The following FAAH2 variants were observed in gnomAD, a reference collection of about 807,000 sequenced individuals.
FAAH2 encodes the protein fatty-acid amide hydrolase 2.
A neutral mutation model predicts 36.9 loss-of-function variants in FAAH2; 60 were observed. The ratio of observed to expected loss-of-function variants is 1.63; its 90% CI spans 1.32 to 2.02. The LOEUF (loss-of-function observed/expected upper bound fraction) is 2.02, where lower values mean the gene tolerates loss of function less well. Among genes scored for constraint, FAAH2 ranks in the 30% most tolerant of loss-of-function variants. The pLI is 0.00. For synonymous variants in FAAH2, 214 were observed against 143.8 expected (o/e 1.49, Z -3.49); for missense variants, 689 against 397.5 (o/e 1.73, Z -6.23).
chrX:57,223,187 C>A, the FAAH2 span, among the ~76,000 whole-genome samples: 1 of 111,957 alleles, frequency 8.9e-6, no homozygotes, highest in African/African-American at 3.3e-5. Flanking sequence ...CAGAAAGTTG[C>A]CATCATTTAT....
intron 7 of FAAH2, among the ~76,000 whole-genome samples, chrX:57,402,470 T>TA (rs1203943064): frequency 9.0e-6 from 1 of 111,558 alleles, no homozygotes; most frequent in African/African-American, 3.3e-5. Context: ...ATCTCTATTA[T>TA]AAAAAACTGA....
intron 10 of FAAH2, among the ~76,000 whole-genome samples, chrX:57,482,451 G>T (rs2057396927): frequency 1.8e-5 from 2 of 111,478 alleles, no homozygotes; most frequent in Admixed American, 9.6e-5. Context: ...TAACCTAGCT[G>T]GGTAGCGCAG....
intron 7 of FAAH2, among the ~76,000 whole-genome samples, chrX:57,389,838 C>T (rs1341068983): frequency 9.1e-6 from 1 of 110,246 alleles, no homozygotes; most frequent in Non-Finnish European, 1.9e-5. Flanking sequence ...CCCTTTTCTC[C>T]CTGTCCTCAC....
At chrX:57,346,323 T>G (rs1001632818) in intron 5 of FAAH2, among the ~76,000 whole-genome samples, 2 of 111,864 alleles carry the variant, frequency 1.8e-5, no homozygotes, top group African/African-American at 6.5e-5. Context: ...CATGTATATA[T>G]AAGATAATTC....
At chrX:57,207,106 C>A in the FAAH2 span, among the ~76,000 whole-genome samples, 1 of 110,483 alleles carries the variant, frequency 9.1e-6, no homozygotes, top group Non-Finnish European at 1.9e-5. Context: ...TCCTTCAAAC[C>A]TTGCAAATTT....
intron 9 of FAAH2, among the ~76,000 whole-genome samples, chrX:57,447,802 T>G (rs1369844144): frequency 8.9e-6 from 1 of 111,844 alleles, no homozygotes; most frequent in African/African-American, 3.3e-5. Flanking sequence ...CTTAGGCCTC[T>G]GAACCTGTGA....
intron 7 of FAAH2, among the ~76,000 whole-genome samples, chrX:57,428,724 T>G (rs2056221459): frequency 8.9e-6 from 1 of 111,883 alleles, no homozygotes; most frequent in South Asian, 3.7e-4. Flanking sequence ...TCTCTCACCA[T>G]ATGCAAAAAT....
intron 8 of FAAH2, among the ~76,000 whole-genome samples, chrX:57,433,430 C>CT (rs1332818821): frequency 1.8e-5 from 2 of 111,509 alleles, no homozygotes; most frequent in East Asian, 5.6e-4. Flanking sequence ...CTAACCCATA[C>CT]TTTTTATGTT....
At chrX:57,379,396 T>C (rs2054776374) in intron 6 of FAAH2, among the ~76,000 whole-genome samples, 1 of 111,058 alleles carries the variant, frequency 9.0e-6, no homozygotes, top group Non-Finnish European at 1.9e-5. Context: ...GGAGAAAATA[T>C]CTTTCCATTT....
At chrX:57,375,619 G>T (rs1429076955) in intron 5 of FAAH2, among the ~76,000 whole-genome samples, 1 of 110,142 alleles carries the variant, frequency 9.1e-6, no homozygotes, top group Non-Finnish European at 1.9e-5. Flanking sequence ...CCTTTTCTTG[G>T]TTAATCTTGC....
the FAAH2 span, among the ~76,000 whole-genome samples, chrX:57,230,384 A>G: frequency 1.8e-5 from 2 of 111,908 alleles, no homozygotes; most frequent in African/African-American, 6.5e-5. Flanking sequence ...AATTTATTAC[A>G]TGTTTTGTGT....
At chrX:57,401,425 C>G (rs1211131942) in intron 7 of FAAH2, among the ~76,000 whole-genome samples, 2 of 111,695 alleles carry the variant, frequency 1.8e-5, no homozygotes, top group Admixed American at 9.5e-5. Flanking sequence ...AGGTTCAGGA[C>G]TGTAAACCAC....
chrX:57,448,913 A>C (rs1418646757), intron 10 of FAAH2, among the ~76,000 whole-genome samples, 195 bp downstream of exon 10: 1 of 112,152 alleles, frequency 8.9e-6, no homozygotes, highest in Non-Finnish European at 1.9e-5. Context: ...TGGTTTCTCC[A>C]CAATAATCCT....
At chrX:57,430,034 A>G (rs773610441) in intron 7 of FAAH2, among the ~76,000 whole-genome samples, 11 of 111,269 alleles carry the variant, frequency 9.9e-5, no homozygotes, top group Non-Finnish European at 2.1e-4. Context: ...ACTCAAAAGG[A>G]TGGGAGGGAT....
chrX:57,182,410 G>A, the FAAH2 span, among the ~76,000 whole-genome samples: 1 of 111,773 alleles, frequency 8.9e-6, no homozygotes, highest in East Asian at 2.8e-4. Flanking sequence ...GACATTAACA[G>A]ACACTTTTCA....
chrX:57,394,357 C>G (rs751867196), intron 7 of FAAH2: 23 of 1,180,840 alleles, frequency 1.9e-5, no homozygotes, highest in Non-Finnish European at 2.6e-5. Context: ...GCTGGTGCTT[C>G]AGGCGTTCTA....
At chrX:57,255,020 C>G in the FAAH2 span, among the ~76,000 whole-genome samples, 1 of 110,608 alleles carries the variant, frequency 9.0e-6, no homozygotes, top group Admixed American at 9.6e-5. Flanking sequence ...ATTGATAGAC[C>G]ACTAGCCTAG....
intron 10 of FAAH2, among the ~76,000 whole-genome samples, chrX:57,477,626 CT>C (rs2057295701): frequency 9.3e-6 from 1 of 108,081 alleles, no homozygotes; most frequent in Non-Finnish European, 1.9e-5. Flanking sequence ...TCTCCTAATG[CT>C]ATCCCTCCCC....
At chrX:57,460,873 C>T (rs180920235) in intron 10 of FAAH2, among the ~76,000 whole-genome samples, 3 of 111,441 alleles carry the variant, frequency 2.7e-5, no homozygotes, top group African/African-American at 6.5e-5. Context: ...GATAAAGAGT[C>T]GAGACCCATC....
Sources: allele counts gnomAD v4.1 joint callset (sites outside exome capture counted in the v4.1 genomes callset), GRCh38; gene constraint gnomAD v4.1.1; transcripts MANE v1.5; gene names NCBI Gene and HGNC (gene_info 2026-07-23, HGNC 2026-07-21).